Variants in TDRD5 observed in about 807,000 individuals in gnomAD.
TDRD5 encodes the protein tudor domain containing 5.
TDRD5 carries 41 observed loss-of-function variants against 120.6 expected under a neutral mutation model. The ratio of observed to expected loss-of-function variants is 0.34; its 90% CI spans 0.26 to 0.44. The LOEUF is 0.44. Ranked by LOEUF, TDRD5 falls within the 20% of genes least tolerant of loss-of-function variation. TDRD5 has a pLI of 1.00. For missense variants in TDRD5, 1,006 were observed against 1,221.2 expected, an observed-to-expected ratio of 0.82 and a Z score of 2.63; for synonymous variants, 430 against 433.7, an observed-to-expected ratio of 0.99 and a Z score of 0.11.
At position 179,656,444 on chromosome 1, in the gene TDRD5, G is replaced by A. The variant is rs147044429; in HGVS notation, c.2322+2082G>A. On this transcript the variant is annotated intron_variant, in intron 14 of 17. Transcript: ENST00000444136. Reference sequence around the variant, plus strand: ...GTTTTTAATTTTGAAAAAACCTAACGTATCAACTTGTTTTCTATTATGGAC... The same window carrying A: ...GTTTTTAATTTTGAAAAAACCTAACATATCAACTTGTTTTCTATTATGGAC... 3.6e-3 allele frequency among the ~76,000 whole-genome samples: 551 copies of A among 152,124 alleles called. 11 individuals are homozygous for A. The highest frequency in any genetic ancestry group is 1.2e-3 in the Non-Finnish European group (83 of 67,976).
chr1:179,661,690 C>T (rs529130179), intron 14 of TDRD5, among the ~76,000 whole-genome samples: 1 of 152,170 alleles, frequency 6.6e-6, no homozygotes, highest in Non-Finnish European at 1.5e-5. Flanking sequence ...CACAGACTTT[C>T]AGCCAGTGTG....
chr1:179,657,478 G>T (rs989303264), intron 14 of TDRD5, among the ~76,000 whole-genome samples: 2 of 152,010 alleles, frequency 1.3e-5, no homozygotes, highest in Admixed American at 1.3e-4. Context: ...GGGGTGTTTT[G>T]TTGGTTTCTT....
chr1:179,635,655 T>TC lies in TDRD5; in HGVS notation c.1300-11dup. 6.2e-7 allele frequency: 1 copy of TC among 1,608,328 alleles called. No individual in the cohort carries two copies. The highest frequency in any genetic ancestry group is 8.5e-7 in the Non-Finnish European group (1 of 1,177,402). ...ACCAAGAGATTTTTAATTTTTTTTT[T>TC]CTAACTTATAGCAAGTAGAAACAAA... On this transcript the variant is annotated splice_polypyrimidine_tract_variant and intron_variant, in intron 8 of 17. Coordinates refer to ENST00000444136, the MANE Select transcript of TDRD5 (RefSeq NM_001199085.3).
rs1677742376 is a variant in TDRD5, at chr1:179,635,905, T to C, written c.1520+18T>C. ...GAAATGCGGTAGGAGTCTGTTGTTT[T>C]CAATGTGTTTTTCACATGTCTCTTA... is the stretch of plus-strand genomic sequence containing the variant. On this transcript the variant is annotated intron_variant, in intron 9 of 17. Coordinates refer to ENST00000444136, the MANE Select transcript of TDRD5 (RefSeq NM_001199085.3). The C allele has an allele frequency of 6.2e-7, 1 of 1,605,612 alleles. No homozygotes were observed.
chr1:179,649,506 CT>C (rs1372877161), intron 11 of TDRD5, among the ~76,000 whole-genome samples: 33 of 152,024 alleles, frequency 2.2e-4, no homozygotes, highest in Admixed American at 2.0e-3. Context: ...TTAATTATAT[CT>C]GATCTGTTAC....
chr1:179,642,631 G>T (rs1346962710), intron 11 of TDRD5, among the ~76,000 whole-genome samples: 2 of 152,052 alleles, frequency 1.3e-5, no homozygotes, highest in East Asian at 3.8e-4. Flanking sequence ...ATCTGATATT[G>T]TCTTGTTTGT....
chr1:179,663,841 A>C (rs1679436160), intron 16 of TDRD5, among the ~76,000 whole-genome samples: 1 of 152,140 alleles, frequency 6.6e-6, no homozygotes, highest in Non-Finnish European at 1.5e-5. Context: ...AGATACAGAA[A>C]ATTGGGATTT....
intron 17 of TDRD5, among the ~76,000 whole-genome samples, chr1:179,669,888 TAG>T (rs1224585687): frequency 6.6e-6 from 1 of 152,242 alleles, no homozygotes; most frequent in East Asian, 1.9e-4. Context: ...GGTAATATTT[TAG>T]AGTTTCGTTT....
intron 6 of TDRD5, among the ~76,000 whole-genome samples, chr1:179,622,420 T>C (rs569897722): frequency 1.4e-4 from 22 of 152,034 alleles, no homozygotes; most frequent in Non-Finnish European, 2.8e-4. Context: ...AACAAGAAAA[T>C]GTGACCCCTT....
intron 9 of TDRD5, among the ~76,000 whole-genome samples, 176 bp from the exon 10 acceptor site, chr1:179,639,663 G>A (rs1008041133): frequency 6.6e-6 from 1 of 152,202 alleles, no homozygotes; most frequent in Admixed American, 6.5e-5. Context: ...TTGATGAAGA[G>A]ATGGGATTCA....
chr1:179,671,233 T>C (rs952782873), intron 17 of TDRD5, among the ~76,000 whole-genome samples: 2 of 152,184 alleles, frequency 1.3e-5, no homozygotes, highest in Non-Finnish European at 2.9e-5. Context: ...CTATCTTAAT[T>C]ACCATGGCTT....
intron 4 of TDRD5, among the ~76,000 whole-genome samples, chr1:179,611,487 A>G (rs1676271261): frequency 6.6e-6 from 1 of 152,174 alleles, no homozygotes; most frequent in South Asian, 2.1e-4. Context: ...AGGTTTTCCA[A>G]GTAGACTACC....
intron 13 of TDRD5, among the ~76,000 whole-genome samples, chr1:179,652,946 A>G (rs4408116): frequency 0.34 from 51,768 of 152,066 alleles, 9,014 homozygotes; most frequent in Admixed American, 0.42. Flanking sequence ...TGCAACATAA[A>G]TGAATTCCAT....
intron 11 of TDRD5, among the ~76,000 whole-genome samples, chr1:179,649,274 CA>C (rs1427593153): frequency 6.6e-6 from 1 of 151,900 alleles, no homozygotes; most frequent in Admixed American, 6.6e-5. Flanking sequence ...TGCAAATTCC[CA>C]ACCATTATCT....
rs1376227135 is a variant in TDRD5, at chr1:179,596,448, A to G, written c.831+630A>G. Among the ~76,000 whole-genome samples, 4 of 152,326 alleles carry G rather than the reference A, an allele frequency of 2.6e-5. No individual in the cohort carries two copies. In the South Asian group the frequency reaches 6.2e-4, roughly 24 times the overall value. ...TCAAAATAAAAAACAGAACATTTCC[A>G]TCATCCCCAAAAAAGCTCCTTCATG... On this transcript the variant is annotated intron_variant, in intron 4 of 17. Coordinates refer to ENST00000444136, the MANE Select transcript of TDRD5 (RefSeq NM_001199085.3).
At chr1:179,618,524 A>C (rs1158474672) in intron 4 of TDRD5, 75 bp from the exon 5 acceptor site, 6 of 1,062,406 alleles carry the variant, frequency 5.6e-6, no homozygotes, top group Non-Finnish European at 8.2e-6. Flanking sequence ...TTTTCTTTAC[A>C]TATTGCTTAG....
At chr1:179,667,140 A>C (rs1393846410) in intron 16 of TDRD5, among the ~76,000 whole-genome samples, 2 of 152,218 alleles carry the variant, frequency 1.3e-5, no homozygotes, top group African/African-American at 2.4e-5. Flanking sequence ...GATGCTGCTG[A>C]TGAGTGAACA....
intron 6 of TDRD5, among the ~76,000 whole-genome samples, chr1:179,624,501 A>G (rs1032129999): frequency 1.8e-4 from 28 of 152,176 alleles, no homozygotes; most frequent in African/African-American, 6.3e-4. Flanking sequence ...AGAAAACATG[A>G]TTGTTCATAT....
chr1:179,598,705 A>G (rs746575857), intron 4 of TDRD5, among the ~76,000 whole-genome samples: 3 of 149,610 alleles, frequency 2.0e-5, no homozygotes, highest in Admixed American at 6.7e-5. Context: ...TTGACCTTGT[A>G]TCCTGTGACC....
Sources: allele counts gnomAD v4.1 joint callset (sites outside exome capture counted in the v4.1 genomes callset), GRCh38; gene constraint gnomAD v4.1.1; transcripts MANE v1.5; gene names NCBI Gene and HGNC (gene_info 2026-07-23, HGNC 2026-07-21).